Variants in POLN observed in about 807,000 individuals in gnomAD.
The protein encoded by POLN is DNA polymerase N.
A neutral mutation model predicts 113.5 loss-of-function variants in POLN; 108 were observed. The ratio of observed to expected loss-of-function variants is 0.95; its 90% CI spans 0.81 to 1.12. The LOEUF (loss-of-function observed/expected upper bound fraction) is 1.12. POLN is among the 50% of genes most tolerant of loss of function. The pLI is 0.00. For synonymous variants in POLN, 386 were observed against 391.5 expected (o/e 0.99, Z 0.17); for missense variants, 1,097 against 1,077.1 (o/e 1.02, Z -0.26).
chr4:2,156,288 T>C (rs536895686), intron 16 of POLN: 1 of 356,486 alleles, frequency 2.8e-6, no homozygotes, highest in East Asian at 7.3e-5. Flanking sequence ...TCATGAGTCT[T>C]TTTTAGTTCA....
At chr4:2,173,402 C>G (rs1302519936) in intron 11 of POLN, among the ~76,000 whole-genome samples, 3 of 152,208 alleles carry the variant, frequency 2.0e-5, no homozygotes, top group African/African-American at 7.2e-5. Flanking sequence ...AAGTTCAATA[C>G]CTTTTTGTTA....
chr4:2,188,687 C>A (rs144942281), intron 7 of POLN, among the ~76,000 whole-genome samples: 56 of 152,124 alleles, frequency 3.7e-4, no homozygotes, highest in Middle Eastern at 3.4e-3. Flanking sequence ...TTGAAACCCA[C>A]TGGTAAAAGT....
intron 19 of POLN, among the ~76,000 whole-genome samples, chr4:2,100,021 G>A (rs1373928781): frequency 6.8e-6 from 1 of 146,340 alleles, no homozygotes. Context: ...AGTGAGCTGA[G>A]ATTGTGCCAC....
chr4:2,228,267 C>CA (rs1453687589), intron 3 of POLN: 2 of 145,314 alleles, frequency 1.4e-5, no homozygotes, highest in Non-Finnish European at 3.0e-5. Context: ...AAAACACCAA[C>CA]AAAAAACAAA....
intron 10 of POLN, 112 bp downstream of exon 10, chr4:2,174,579 G>T: frequency 1.1e-6 from 1 of 875,256 alleles, no homozygotes; most frequent in Non-Finnish European, 1.9e-6. Flanking sequence ...CCTCTCTGGT[G>T]CCCATGAGAT....
In POLN at chr4:2,153,372, T is replaced by C. The variant is rs148203108; in HGVS notation, c.1731+3416A>G. Among the ~76,000 whole-genome samples the C allele has an allele frequency of 1.8e-4, 27 of 152,180 alleles. No homozygotes were observed. In the East Asian group the frequency reaches 3.5e-3, roughly 20 times the overall value. On this transcript the variant is annotated intron_variant, in intron 16 of 25. Transcript: ENST00000511885. Reference sequence around the variant, plus strand: ...ATTGAGGGTGGAGGGCTGAGGTATGTAGGTGTGAGAGAAGTGTCTACAATA... The same window carrying C: ...ATTGAGGGTGGAGGGCTGAGGTATGCAGGTGTGAGAGAAGTGTCTACAATA...
intron 7 of POLN, among the ~76,000 whole-genome samples, chr4:2,189,345 T>C (rs1733375470): frequency 6.6e-6 from 1 of 152,218 alleles, no homozygotes; most frequent in Non-Finnish European, 1.5e-5. Context: ...ATTGTTAAAA[T>C]ATCAATGTTA....
At chr4:2,203,835 C>A (rs111227738) in intron 5 of POLN, among the ~76,000 whole-genome samples, 50 of 152,106 alleles carry the variant, frequency 3.3e-4, no homozygotes, top group African/African-American at 1.2e-3. Flanking sequence ...AAATGCCAGG[C>A]ACAGGGGCTC....
chr4:2,122,592 T>C (rs894685085), intron 19 of POLN, among the ~76,000 whole-genome samples: 1 of 152,104 alleles, frequency 6.6e-6, no homozygotes, highest in Non-Finnish European at 1.5e-5. Context: ...ATACAAAGTA[T>C]TGGTGAGAAT....
intron 6 of POLN, among the ~76,000 whole-genome samples, chr4:2,194,925 T>C (rs1162709673): frequency 6.6e-6 from 1 of 151,914 alleles, no homozygotes; most frequent in African/African-American, 2.4e-5. Context: ...TTTATGTATA[T>C]GTATATACAT....
At chr4:2,236,414 C>G in intron 2 of POLN, 1 of 1,613,416 alleles carries the variant, frequency 6.2e-7, no homozygotes, top group Non-Finnish European at 8.5e-7. Flanking sequence ...GAGTTAGAAA[C>G]AATTCTTTTT....
chr4:2,140,837 T>A (rs547443603), intron 16 of POLN: 2 of 152,190 alleles, frequency 1.3e-5, no homozygotes, highest in East Asian at 3.9e-4. Flanking sequence ...AAAATGGCAC[T>A]CGGATCTTCA....
chr4:2,191,464 T>C (rs999032288), intron 7 of POLN, among the ~76,000 whole-genome samples: 1 of 152,184 alleles, frequency 6.6e-6, no homozygotes, highest in Non-Finnish European at 1.5e-5. Context: ...CTATTGTATA[T>C]TTCAAAATAG....
At chr4:2,075,147 G>T (rs746041953) in intron 24 of POLN, among the ~76,000 whole-genome samples, 37 of 152,180 alleles carry the variant, frequency 2.4e-4, no homozygotes, top group Non-Finnish European at 7.4e-5. Flanking sequence ...AGAGGCCTTG[G>T]GCCTCAGACA....
chr4:2,172,480 C>G (rs902719279), intron 11 of POLN, among the ~76,000 whole-genome samples: 6 of 152,198 alleles, frequency 3.9e-5, no homozygotes, highest in African/African-American at 1.4e-4. Context: ...CTTCAGAACA[C>G]TTATTGGCCT....
intron 19 of POLN, among the ~76,000 whole-genome samples, chr4:2,112,231 T>C (rs1340236089): frequency 3.3e-3 from 424 of 128,082 alleles, no homozygotes; most frequent in South Asian, 6.3e-3. Flanking sequence ...ATACAAAAAT[T>C]AATTCAAGAT....
At chr4:2,073,220 T>G (rs1257208393) in intron 24 of POLN, among the ~76,000 whole-genome samples, 191 bp from the exon 25 acceptor site, 1 of 152,128 alleles carries the variant, frequency 6.6e-6, no homozygotes, top group Admixed American at 6.5e-5. Flanking sequence ...GCCCAGCCCC[T>G]GAGGCTGAGT....
intron 3 of POLN, among the ~76,000 whole-genome samples, chr4:2,222,819 C>T (rs1734294583): frequency 6.6e-6 from 1 of 151,922 alleles, no homozygotes; most frequent in Non-Finnish European, 1.5e-5. Flanking sequence ...GGTGCAGCTG[C>T]TCCCACTAGT....
At chr4:2,084,424 C>G (rs556937788) in intron 21 of POLN, among the ~76,000 whole-genome samples, 2 of 152,236 alleles carry the variant, frequency 1.3e-5, no homozygotes, top group African/African-American at 4.8e-5. Flanking sequence ...CTGGACGCCA[C>G]CTTCCTGTCC....
Sources: allele counts gnomAD v4.1 joint callset (sites outside exome capture counted in the v4.1 genomes callset), GRCh38; gene constraint gnomAD v4.1.1; transcripts MANE v1.5; gene names NCBI Gene and HGNC (gene_info 2026-07-23, HGNC 2026-07-21).